The following PDP2 variants were observed in gnomAD, a reference collection of about 807,000 sequenced individuals.
The protein encoded by PDP2 is pyruvate dehydrogenase phosphatase catalytic subunit 2.
PDP2 carries 23 observed loss-of-function variants against 34.2 expected under a neutral mutation model. The observed-to-expected ratio is 0.67, with a 90% CI of 0.48 to 0.95. The LOEUF (loss-of-function observed/expected upper bound fraction) is 0.95. Ranked by LOEUF, PDP2 falls within the 40% of genes least tolerant of loss-of-function variation. The probability of loss-of-function intolerance (pLI) is 0.00; values close to 1 mark genes in which losing one functional copy is unlikely to be tolerated. For synonymous variants in PDP2, 275 were observed against 269.2 expected (o/e 1.02, Z -0.21); for missense variants, 571 against 659.6 (o/e 0.87, Z 1.47).
chr16:66,885,123 A>G lies in PDP2; in HGVS notation c.839A>G (p.His280Arg). 1.2e-6 allele frequency: 2 copies of G among 1,614,016 alleles called. No individual in the cohort carries two copies. The highest frequency in any genetic ancestry group is 1.7e-6 in the Non-Finnish European group (2 of 1,180,040). ...CMAHVDGIHL[H>R]VANAGDCRAI... ...GCCCATGTTGATGGAATTCACTTGC[A>G]CGTGGCAAATGCTGGTGACTGCCGA... Residue 280 changes from histidine to arginine, a missense_variant, in exon 2 of 2, where the codon CAC becomes CGC. Physicochemically the swap from His to Arg is conservative, Grantham distance 29. Transcript: ENST00000311765. The surrounding 1 kb of genome is among the most constrained non-coding windows in gnomAD (Gnocchi z 4.6).
At position 66,885,753 on chromosome 16, in the gene PDP2, A is replaced by T; in HGVS notation, c.1469A>T (p.Glu490Val). The T allele has an allele frequency of 4.3e-6, 7 of 1,613,790 alleles. No homozygotes were observed. Among genetic ancestry groups the T allele is most frequent in the Non-Finnish European group, 5.9e-6 (7 of 1,180,016 alleles). The change falls in exon 2 of 2, where the codon GAG (glutamate) becomes GTG (valine). Residue 490 changes from glutamate to valine, a missense_variant. Physicochemically the swap from Glu to Val is moderately radical, Grantham distance 121. Transcript: ENST00000311765. This position sits in a 1 kb window ranked among gnomAD's most constrained non-coding sequence, Gnocchi z 4.6. ...AATGAGTATGGGGAGATGGAGGCAG[A>T]GCGGCTGGCGGCGATGCTGACATTG... ...GNNEYGEMEA[E>V]RLAAMLTLPE...
chr16:66,885,340 G>A lies in PDP2; in HGVS notation c.1056G>A (p.Gln352=), dbSNP rs768788553. 1.9e-6 allele frequency: 3 copies of A among 1,614,132 alleles called. No homozygotes were observed. Among genetic ancestry groups the A allele is most frequent in the Admixed American group, 3.3e-5 (2 of 60,016 alleles). ...CCTGCAGGGCCTTTGGGGATGTTCAGCTGAAGTGGAGTAAAGAGTTGCAGC... is the reference window on the plus strand; with the variant it reads ...CCTGCAGGGCCTTTGGGGATGTTCAACTGAAGTGGAGTAAAGAGTTGCAGC... ...LIPCRAFGDV[Q]LKWSKELQRS... Residue 352 remains glutamine (Q), a synonymous_variant, in exon 2 of 2, where the codon CAG becomes CAA. Coordinates refer to ENST00000311765, the MANE Select transcript of PDP2 (RefSeq NM_020786.4). The surrounding 1 kb of genome is among the most constrained non-coding windows in gnomAD (Gnocchi z 4.6).
In PDP2 at chr16:66,884,259, A is replaced by G. The variant is rs2145413861; in HGVS notation, c.-26A>G. 6.7e-7 allele frequency: 1 copy of G among 1,503,050 alleles called. No individual in the cohort carries two copies. The highest frequency in any genetic ancestry group is 8.9e-7 in the Non-Finnish European group (1 of 1,122,078). 93.1% of individuals were successfully genotyped at this position (1,503,050 alleles called of 1,614,324 possible). A position where few individuals can be genotyped will look rare whatever the true frequency, so the allele number is the denominator to read the frequency against. On this transcript the variant is annotated 5_prime_UTR_variant, in exon 2 of 2. Coordinates refer to ENST00000311765, the MANE Select transcript of PDP2 (RefSeq NM_020786.4). ...TAAAAATATCCTTTTTTGCTGAAGG[A>G]ACACATTTGCTGGTATAGTTTCAGA... is the stretch of plus-strand genomic sequence containing the variant.
chr16:66,885,179 A>AT lies in PDP2; in HGVS notation c.896dup (p.Met299IlefsTer10). The AT allele has an allele frequency of 6.2e-7, 1 of 1,614,034 alleles. No individual in the cohort carries two copies. ...CCTTGGTGTCCAAGAGGACAATGGCATGTGGTCTTGTCTGCCCCTTACACG... is the reference window on the plus strand; with the variant it reads ...CCTTGGTGTCCAAGAGGACAATGGCATTGTGGTCTTGTCTGCCCCTTACACG... On this transcript the variant is annotated frameshift_variant, in exon 2 of 2. Transcript: ENST00000311765. LOFTEE classifies it high-confidence loss of function. This position sits in a 1 kb window ranked among gnomAD's most constrained non-coding sequence, Gnocchi z 4.6.
intron 1 of PDP2, among the ~76,000 whole-genome samples, chr16:66,881,048 C>T (rs1449731535): frequency 6.6e-6 from 1 of 152,184 alleles, no homozygotes; most frequent in African/African-American, 2.4e-5. Flanking sequence ...ACGGCCGTGC[C>T]GGGGTTCTAG....
chr16:66,890,561 C>T lies in PDP2; in HGVS notation c.*4687C>T, dbSNP rs913815449. On this transcript the variant is annotated 3_prime_UTR_variant, in exon 2 of 2. Transcript: ENST00000311765. ...GAACTTGAGTTACTTAAAGAAGATACAGTATAATTAATTATACAGAACAAA... is the reference window on the plus strand; with the variant it reads ...GAACTTGAGTTACTTAAAGAAGATATAGTATAATTAATTATACAGAACAAA... 6.6e-6 allele frequency: 1 copy of T among 152,170 alleles called. No homozygotes were observed. The highest frequency in any genetic ancestry group is 1.5e-5 in the Non-Finnish European group (1 of 68,020). 9.4% of individuals were successfully genotyped at this position (152,170 alleles called of 1,614,324 possible).
Position 66,884,461 on chromosome 16 carries a change from G to A in PDP2, c.177G>A (p.Leu59=), listed in dbSNP as rs145179690. 1.2e-6 allele frequency: 2 copies of A among 1,614,042 alleles called. No homozygotes were observed. Among genetic ancestry groups the A allele is most frequent in the African/African-American group, 1.3e-5 (1 of 74,908 alleles). Residue 59 remains leucine (L), a synonymous_variant, in exon 2 of 2, where the codon CTG becomes CTA. Coordinates refer to ENST00000311765, the MANE Select transcript of PDP2 (RefSeq NM_020786.4). ...LNSSPCGGFT[L]CKAYRHTSTE... Reference sequence around the variant, plus strand: ...GTTCCCCATGTGGTGGCTTTACTCTGTGCAAAGCCTACAGACACACATCAA... The same window carrying A: ...GTTCCCCATGTGGTGGCTTTACTCTATGCAAAGCCTACAGACACACATCAA...
intron 1 of PDP2, among the ~76,000 whole-genome samples, chr16:66,881,954 T>C (rs1052397719): frequency 1.3e-5 from 2 of 152,160 alleles, no homozygotes; most frequent in African/African-American, 4.8e-5. Flanking sequence ...AATGCTGAGA[T>C]TATAGGCATG....
chr16:66,886,405 CTTTTT>C lies in PDP2; in HGVS notation c.*537_*541del. The C allele has an allele frequency of 3.0e-6, 1 of 327,870 alleles. No homozygotes were observed. The highest frequency in any genetic ancestry group is 6.7e-6 in the Non-Finnish European group (1 of 149,634). The allele number at this position is 327,870 out of a possible 1,614,324, so 20.3% of individuals were successfully genotyped here. ...GACCCTTTTCTATGCAATATCCTAA[CTTTTT>C]TTTTTGTGATTATGCTTGTGAGAAA... On this transcript the variant is annotated 3_prime_UTR_variant, in exon 2 of 2. Coordinates refer to ENST00000311765, the MANE Select transcript of PDP2 (RefSeq NM_020786.4).
chr16:66,883,773 C>CT (rs1389896004), intron 1 of PDP2, among the ~76,000 whole-genome samples: 2 of 151,976 alleles, frequency 1.3e-5, no homozygotes, highest in Non-Finnish European at 2.9e-5. Context: ...TAAATGAACA[C>CT]TTATAGTCTG....
In PDP2 at chr16:66,887,544, A is replaced by G. The variant is rs1961812279; in HGVS notation, c.*1670A>G. ...TTCAGTCAAATGTTGGGATACTTCTAATTTGGTGGTGTTTCTTTGTACATT... is the reference window on the plus strand; with the variant it reads ...TTCAGTCAAATGTTGGGATACTTCTGATTTGGTGGTGTTTCTTTGTACATT... On this transcript the variant is annotated 3_prime_UTR_variant, in exon 2 of 2. Coordinates refer to ENST00000311765, the MANE Select transcript of PDP2 (RefSeq NM_020786.4). The G allele has an allele frequency of 6.0e-6, 1 of 167,020 alleles. No homozygotes were observed. Among genetic ancestry groups the G allele is most frequent in the African/African-American group, 2.4e-5 (1 of 41,416 alleles). 10.3% of individuals were successfully genotyped at this position (167,020 alleles called of 1,614,324 possible).
At position 66,889,465 on chromosome 16, in the gene PDP2, A is replaced by T. The variant is rs1961917997; in HGVS notation, c.*3591A>T. ...CAGGCATGCACCACCACACACCGCT[A>T]ATTTTTTGTATTTTTAGTAGAGACA... On this transcript the variant is annotated 3_prime_UTR_variant, in exon 2 of 2. Coordinates refer to ENST00000311765, the MANE Select transcript of PDP2 (RefSeq NM_020786.4). 1 of 151,788 alleles carries T rather than the reference A, an allele frequency of 6.6e-6. No individual in the cohort carries two copies. The highest frequency in any genetic ancestry group is 6.6e-5 in the Admixed American group (1 of 15,220). 9.4% of individuals were successfully genotyped at this position (151,788 alleles called of 1,614,324 possible). A position where few individuals can be genotyped will look rare whatever the true frequency, so the allele number is the denominator to read the frequency against.
rs559553318 is a variant in PDP2, at chr16:66,884,343, T to C, written c.59T>C (p.Leu20Ser). The C allele has an allele frequency of 1.2e-6, 2 of 1,613,936 alleles. No homozygotes were observed. The highest frequency in any genetic ancestry group is 2.2e-5 in the East Asian group (1 of 44,886). ...LNSTRNSIAT[L>S]QGGRRLYSRY... ...TCTACAAGGAACAGCATTGCCACAT[T>C]GCAAGGGGGTAGACGCTTATACTCC... The change falls in exon 2 of 2, where the codon TTG becomes TCG. Residue 20 changes from leucine (L) to serine (S), a missense_variant. This residue lies in a region of PDP2 where 290 missense variants were observed against 283.8 expected (regional missense o/e 1.02). Transcript: ENST00000311765.
rs370376738 is a variant in PDP2 at position 66,885,589 on chromosome 16, T to C, written c.1305T>C (p.Asp435=). The C allele has an allele frequency of 6.6e-5, 106 of 1,613,918 alleles. No homozygotes were observed. The highest frequency in any genetic ancestry group is 6.1e-5 in the Non-Finnish European group (72 of 1,180,020). Reference sequence around the variant, plus strand: ...TGGTGGGGCACCTGGCTGAGGCAGATTGGCACAAGACAGACCTGGCCCAGA... The same window carrying C: ...TGGTGGGGCACCTGGCTGAGGCAGACTGGCACAAGACAGACCTGGCCCAGA... The part of the protein sequence containing the change: ...RLVVGHLAEA[D]WHKTDLAQRP... Residue 435 remains aspartate (D), a synonymous_variant, in exon 2 of 2, where the codon GAT becomes GAC. Transcript: ENST00000311765. This position sits in a 1 kb window ranked among gnomAD's most constrained non-coding sequence, Gnocchi z 4.6.
In PDP2 at chr16:66,886,174, G is replaced by A. The variant is rs1961758715; in HGVS notation, c.*300G>A. ...TTTGATAAAGATGTTGTTAAACTGT[G>A]TCAGCCTGAGCCTTCAAAGGGTAAA... is the stretch of plus-strand genomic sequence containing the variant. On this transcript the variant is annotated 3_prime_UTR_variant, in exon 2 of 2. Transcript: ENST00000311765. The A allele has an allele frequency of 3.0e-6, 1 of 334,544 alleles. No homozygotes were observed. Among genetic ancestry groups the A allele is most frequent in the Non-Finnish European group, 5.9e-6 (1 of 170,224 alleles). The allele number at this position is 334,544 out of a possible 1,614,324, so 20.7% of individuals were successfully genotyped here. A position where few individuals can be genotyped will look rare whatever the true frequency, so the allele number is the denominator to read the frequency against.
At chr16:66,880,774 G>C (rs1339763923) in intron 1 of PDP2, 134 bp downstream of exon 1, 2 of 152,328 alleles carry the variant, frequency 1.3e-5, no homozygotes, top group African/African-American at 2.4e-5. Context: ...GGCGGAGGGA[G>C]AGCTGAGGTG....
In PDP2 at chr16:66,886,223, A is replaced by T; in HGVS notation, c.*349A>T. ...AATTTAATCATGATTCTGAGAATAA[A>T]GAACTTCAGGAGCTTCTTAGGTCTT... On this transcript the variant is annotated 3_prime_UTR_variant, in exon 2 of 2. Transcript: ENST00000311765. 7.5e-6 allele frequency: 2 copies of T among 268,144 alleles called. No individual in the cohort carries two copies. Among genetic ancestry groups the T allele is most frequent in the Admixed American group, 9.8e-5 (2 of 20,454 alleles). The allele number at this position is 268,144 out of a possible 1,614,324, so 16.6% of individuals were successfully genotyped here.
chr16:66,885,384 G>T lies in PDP2; in HGVS notation c.1100G>T (p.Gly367Val). 6.2e-7 allele frequency: 1 copy of T among 1,613,990 alleles called. No individual in the cohort carries two copies. The highest frequency in any genetic ancestry group is 8.5e-7 in the Non-Finnish European group (1 of 1,180,020). ...TTGCAGCGCAGCATTCTGGAGAGGG[G>T]CTTCAATACCGAGGCCCTCAACATT... Reference protein sequence around the residue: ...KELQRSILERGFNTEALNIYQ... With the variant: ...KELQRSILERVFNTEALNIYQ... The change falls in exon 2 of 2, where the codon GGC becomes GTC. Residue 367 changes from glycine to valine, a missense_variant. By Grantham distance (109) the Gly-to-Val change is moderately radical. Coordinates refer to ENST00000311765, the MANE Select transcript of PDP2 (RefSeq NM_020786.4). The surrounding 1 kb of genome is among the most constrained non-coding windows in gnomAD (Gnocchi z 4.6).
rs559323786 is a variant in PDP2, at chr16:66,883,526, C to T, written c.-54-705C>T. Among the ~76,000 whole-genome samples, 7 of 152,290 alleles carry T rather than the reference C, an allele frequency of 4.6e-5. No individual in the cohort carries two copies. In the East Asian group the frequency reaches 1.4e-3, roughly 29 times the overall value. On this transcript the variant is annotated intron_variant, in intron 1 of 1. Transcript: ENST00000311765. ...CAATCACTGCTTTCTGCAGCCTCAA[C>T]TTACCAGGCTCAGATGATTCTCCTA...
Sources: allele counts gnomAD v4.1 joint callset (sites outside exome capture counted in the v4.1 genomes callset), GRCh38; gene constraint gnomAD v4.1.1; regional missense constraint gnomAD v4.1.1; non-coding constraint Gnocchi (gnomAD v3.1); transcripts MANE v1.5; gene names NCBI Gene and HGNC (gene_info 2026-07-23, HGNC 2026-07-21).